Variants in UGGT1 observed in about 807,000 individuals in gnomAD.
UGGT1 encodes UDP-glucose glycoprotein glucosyltransferase 1, also known as UDP-glucose:glycoprotein glucosyltransferase 1.
A neutral mutation model predicts 203.9 loss-of-function variants in UGGT1; 107 were observed. The ratio of observed to expected loss-of-function variants is 0.52; its 90% CI spans 0.45 to 0.62. The LOEUF (loss-of-function observed/expected upper bound fraction) is 0.62. Ranked by LOEUF, UGGT1 falls within the 20% of genes least tolerant of loss-of-function variation. The probability of loss-of-function intolerance (pLI) is 0.00; values close to 1 mark genes in which losing one functional copy is unlikely to be tolerated. For synonymous variants in UGGT1, 628 were observed against 653.5 expected, an observed-to-expected ratio of 0.96 and a Z score of 0.59; for missense variants, 1,673 against 1,867.2, an observed-to-expected ratio of 0.90 and a Z score of 1.92.
At chr2:128,095,177 A>G (rs1687054201) in intron 1 of UGGT1, among the ~76,000 whole-genome samples, 1 of 152,154 alleles carries the variant, frequency 6.6e-6, no homozygotes, top group Non-Finnish European at 1.5e-5. Flanking sequence ...GCCAGGAATC[A>G]CTGCTATCAG....
chr2:128,173,863 C>T lies in UGGT1; in HGVS notation c.3377C>T (p.Pro1126Leu), dbSNP rs770168579. The T allele has an allele frequency of 1.1e-5, 18 of 1,614,194 alleles. 1 individual carries two copies. In the Middle Eastern group the frequency reaches 2.1e-3, roughly 192 times the overall value. Residue 1126 changes from proline (P) to leucine (L), a missense_variant, in exon 30 of 41, where the codon CCT (proline) becomes CTT (leucine). Physicochemically the swap from Pro to Leu is moderately conservative, Grantham distance 98 (BLOSUM62 -3). Around this residue, in one of 4 missense-constraint regions of UGGT1, gnomAD observed 513 missense variants for 684.1 expected, o/e 0.75. Transcript: ENST00000259253. ...GHCYDITTGQ[P>L]PRGLQFTLGT... ...TGCTACGACATCACCACAGGCCAGC[C>T]TCCACGGGGACTACAGTTTACCTTA...
chr2:128,101,765 T>C (rs966282031), intron 2 of UGGT1, among the ~76,000 whole-genome samples: 3 of 152,196 alleles, frequency 2.0e-5, no homozygotes, highest in Non-Finnish European at 4.4e-5. Flanking sequence ...GCTTAGTGAC[T>C]GTAACATCGT....
At chr2:128,137,313 GGA>G (rs1689172433) in intron 15 of UGGT1, among the ~76,000 whole-genome samples, 1 of 152,204 alleles carries the variant, frequency 6.6e-6, no homozygotes, top group African/African-American at 2.4e-5. Flanking sequence ...CAGCTACTTG[GGA>G]GGCTGAAGTG....
intron 26 of UGGT1, among the ~76,000 whole-genome samples, chr2:128,166,983 G>T (rs774277738): frequency 7.9e-5 from 12 of 152,120 alleles, no homozygotes; most frequent in Non-Finnish European, 1.8e-4. Flanking sequence ...TGGAATGGAG[G>T]CCCTCTCTGT....
At chr2:128,143,282 C>G in intron 17 of UGGT1, 57 bp downstream of exon 17, 2 of 1,507,590 alleles carry the variant, frequency 1.3e-6, no homozygotes, top group East Asian at 2.4e-5. Context: ...TCCTTAACCC[C>G]GTGTTTGGGG....
intron 8 of UGGT1, 134 bp downstream of exon 8, chr2:128,116,477 C>T: frequency 1.7e-6 from 1 of 586,022 alleles, no homozygotes. Context: ...TGTATGCAAT[C>T]CTACGTGGAG....
In UGGT1 at chr2:128,186,783, CA is replaced by C; in HGVS notation, c.4465del (p.Thr1489ProfsTer9). The C allele has an allele frequency of 6.2e-7, 1 of 1,611,354 alleles. No homozygotes were observed. The highest frequency in any genetic ancestry group is 1.1e-5 in the South Asian group (1 of 90,526). Reference protein sequence around the residue: ...TWCDDASKKRAKTIDLCNNPM... With the variant: ...TWCDDASKKRXKTIDLCNNPM... ...TGTGATGACGCCTCTAAGAAAAGGG[CA>C]AAAACCATTGATTTGGTAAGCCGTA... On this transcript the variant is annotated frameshift_variant, in exon 39 of 41. Transcript: ENST00000259253. LOFTEE classifies it high-confidence loss of function.
At chr2:128,170,777 A>G (rs1306218291) in intron 27 of UGGT1, among the ~76,000 whole-genome samples, 3 of 152,330 alleles carry the variant, frequency 2.0e-5, no homozygotes, top group Admixed American at 1.3e-4. Context: ...AGACATGTAC[A>G]GTGTGTTACA....
chr2:128,183,499 G>A (rs10175339), intron 37 of UGGT1, among the ~76,000 whole-genome samples, 176 bp from the exon 38 acceptor site: 20,628 of 152,246 alleles, frequency 0.14, 1,531 homozygotes, highest in Non-Finnish European at 0.17. Flanking sequence ...AGATTTTGCA[G>A]TGACTTTCTT....
chr2:128,104,030 A>G lies in UGGT1; in HGVS notation c.277+16A>G, dbSNP rs1437418995. On this transcript the variant is annotated intron_variant, in intron 3 of 40. Transcript: ENST00000259253. Reference sequence around the variant, plus strand: ...GATCATGACGGTAAAATTGAAGCAAATGCTTCTTTGACTTTGGTGTCTGGG... The same window carrying G: ...GATCATGACGGTAAAATTGAAGCAAGTGCTTCTTTGACTTTGGTGTCTGGG... 3.9e-6 allele frequency: 6 copies of G among 1,526,884 alleles called. No individual in the cohort carries two copies. Among genetic ancestry groups the G allele is most frequent in the African/African-American group, 1.4e-5 (1 of 70,622 alleles). The allele number at this position is 1,526,884 out of a possible 1,614,324, so 94.6% of individuals were successfully genotyped here.
At chr2:128,134,425 G>T (rs1013317889) in intron 14 of UGGT1, among the ~76,000 whole-genome samples, 1 of 152,182 alleles carries the variant, frequency 6.6e-6, no homozygotes, top group Non-Finnish European at 1.5e-5. Context: ...TTTATTAAGC[G>T]AGAGAATACG....
intron 8 of UGGT1, among the ~76,000 whole-genome samples, chr2:128,118,494 G>T (rs1688233603): frequency 6.6e-6 from 1 of 152,092 alleles, no homozygotes; most frequent in African/African-American, 2.4e-5. Context: ...TTGAACTTTG[G>T]GTTCAAGTGA....
At chr2:128,123,361 A>AT (rs1688469762) in intron 11 of UGGT1, 115 bp downstream of exon 11, 2 of 894,282 alleles carry the variant, frequency 2.2e-6, no homozygotes, top group South Asian at 1.9e-5. Context: ...TAAGATGGTG[A>AT]TTTTTTCATT....
chr2:128,167,882 C>A (rs182785008), intron 26 of UGGT1, among the ~76,000 whole-genome samples: 16 of 152,172 alleles, frequency 1.1e-4, no homozygotes, highest in African/African-American at 3.6e-4. Context: ...TGCTGATCAC[C>A]TAGAACACTG....
chr2:128,108,276 A>G (rs1474223458), intron 4 of UGGT1, among the ~76,000 whole-genome samples: 1 of 152,120 alleles, frequency 6.6e-6, no homozygotes, highest in Non-Finnish European at 1.5e-5. Flanking sequence ...GAATATCTAT[A>G]TAGAAAAAAG....
At position 128,096,207 on chromosome 2, in the gene UGGT1, C is replaced by G. The variant is rs539169436; in HGVS notation, c.59-1222C>G. Among the ~76,000 whole-genome samples the G allele has an allele frequency of 4.6e-5, 7 of 152,266 alleles. No homozygotes were observed. In the South Asian group the frequency reaches 1.5e-3, roughly 32 times the overall value. ...ACTTTGCCAGTGACCCTAGATCCCT[C>G]ATTTTGTAGATGGGACAGTTGGCTT... On this transcript the variant is annotated intron_variant, in intron 1 of 40. Coordinates refer to ENST00000259253, the MANE Select transcript of UGGT1 (RefSeq NM_020120.4).
Position 128,152,848 on chromosome 2 carries a change from G to C in UGGT1, c.2081G>C (p.Arg694Pro). The change falls in exon 19 of 41, where the codon CGA (arginine) becomes CCA (proline). Residue 694 changes from arginine to proline, a missense_variant. Physicochemically the swap from Arg to Pro is moderately radical, Grantham distance 103. Coordinates refer to ENST00000259253, the MANE Select transcript of UGGT1 (RefSeq NM_020120.4). Reference sequence around the variant, plus strand: ...ATGAATCAGCCAAATGTTGTTCCACGAATCAATTCTAGGATTTTGACAGCT... The same window carrying C: ...ATGAATCAGCCAAATGTTGTTCCACCAATCAATTCTAGGATTTTGACAGCT... ...YIMNQPNVVPRINSRILTAER... is the reference protein window; with the variant it reads ...YIMNQPNVVPPINSRILTAER... 3 of 1,613,710 alleles carry C rather than the reference G, an allele frequency of 1.9e-6. No homozygotes were observed. The highest frequency in any genetic ancestry group is 2.5e-6 in the Non-Finnish European group (3 of 1,179,910).
chr2:128,106,617 A>C (rs937356488), intron 3 of UGGT1, among the ~76,000 whole-genome samples: 7 of 152,170 alleles, frequency 4.6e-5, no homozygotes, highest in African/African-American at 1.4e-4. Context: ...CTCAGGCTGG[A>C]GTGCAGTGGC....
intron 18 of UGGT1, chr2:128,151,015 T>C (rs1484472291): frequency 1.0e-5 from 2 of 192,528 alleles, no homozygotes; most frequent in African/African-American, 4.8e-5. Flanking sequence ...CATGCCCGGC[T>C]AATTTTTGTA....
Sources: gnomAD v4.1 joint callset for allele counts (sites outside exome capture counted in the v4.1 genomes callset) on GRCh38, gnomAD v4.1.1 for gene constraint, gnomAD v4.1.1 regional missense constraint, MANE v1.5 for transcripts, NCBI Gene and HGNC (gene_info 2026-07-23, HGNC 2026-07-21) for gene names.